SAMTOR: variants seen among roughly 807,000 people sequenced by gnomAD.
SAMTOR encodes the protein S-adenosylmethionine sensor upstream of mTORC1.
chr7:112,933,713 T>A, the SAMTOR span, among the ~76,000 whole-genome samples: 1 of 152,178 alleles, frequency 6.6e-6, no homozygotes, highest in African/African-American at 2.4e-5. Flanking sequence ...AGTGTTCCAA[T>A]GATCACCTGA....
At chr7:112,926,174 A>G in the SAMTOR span, among the ~76,000 whole-genome samples, 4 of 152,174 alleles carry the variant, frequency 2.6e-5, no homozygotes, top group Non-Finnish European at 5.9e-5. Flanking sequence ...AAGTGGGTCT[A>G]TGTAAGGGCT....
At chr7:112,914,245 T>A in the SAMTOR span, among the ~76,000 whole-genome samples, 9 of 149,428 alleles carry the variant, frequency 6.0e-5, no homozygotes, top group Admixed American at 6.0e-4. Flanking sequence ...GCTTTATTTT[T>A]GGGAATTCAT....
chr7:112,841,609 C>T, the SAMTOR span, among the ~76,000 whole-genome samples: 2 of 151,932 alleles, frequency 1.3e-5, no homozygotes, highest in Non-Finnish European at 2.9e-5. Context: ...AAAAGGAGCC[C>T]GTATAGCCAA....
chr7:112,857,433 CA>C, the SAMTOR span, among the ~76,000 whole-genome samples: 1 of 151,996 alleles, frequency 6.6e-6, no homozygotes, highest in Non-Finnish European at 1.5e-5. Flanking sequence ...AACCACAAAA[CA>C]ATGGTTTGAA....
At chr7:112,932,119 G>T in the SAMTOR span, among the ~76,000 whole-genome samples, 18 of 151,864 alleles carry the variant, frequency 1.2e-4, no homozygotes, top group African/African-American at 4.4e-4. Context: ...TAGAGACAGG[G>T]TTTCACCAAG....
chr7:112,865,689 TCATATATACATATATTCATATATA>T, the SAMTOR span, among the ~76,000 whole-genome samples: 17 of 143,890 alleles, frequency 1.2e-4, no homozygotes, highest in South Asian at 4.2e-4. Flanking sequence ...CATATATATT[TCATATATACATATATTCATATATA>T]TTTCATATAT....
chr7:112,849,049 A>T, the SAMTOR span, among the ~76,000 whole-genome samples: 1 of 148,312 alleles, frequency 6.7e-6, no homozygotes, highest in Non-Finnish European at 1.5e-5. Context: ...ACTCCATCTA[A>T]AAAAAAAAAA....
chr7:112,819,642 T>C, the SAMTOR span: 1 of 152,560 alleles, frequency 6.6e-6, no homozygotes, highest in Non-Finnish European at 1.5e-5. Flanking sequence ...GTAGGTTTTA[T>C]AAAGAGACTT....
At chr7:112,830,680 C>T in the SAMTOR span, among the ~76,000 whole-genome samples, 1 of 152,038 alleles carries the variant, frequency 6.6e-6, no homozygotes, top group Non-Finnish European at 1.5e-5. Flanking sequence ...ATAGAGAAAA[C>T]GAAAGTAGAA....
the SAMTOR span, among the ~76,000 whole-genome samples, chr7:112,858,926 G>C: frequency 2.6e-5 from 4 of 152,156 alleles, no homozygotes; most frequent in African/African-American, 9.7e-5. Flanking sequence ...ATAGTACCTA[G>C]ATATTTGATC....
At chr7:112,866,683 A>AT in the SAMTOR span, among the ~76,000 whole-genome samples, 1 of 152,210 alleles carries the variant, frequency 6.6e-6, no homozygotes, top group Admixed American at 6.5e-5. Flanking sequence ...ACCTCTTTAA[A>AT]TAGCAGCTGC....
At chr7:112,829,631 G>A in the SAMTOR span, among the ~76,000 whole-genome samples, 2 of 152,132 alleles carry the variant, frequency 1.3e-5, no homozygotes, top group African/African-American at 4.8e-5. Context: ...ACTATGGATT[G>A]CTATAAATAT....
At chr7:112,895,145 G>A in the SAMTOR span, among the ~76,000 whole-genome samples, 1 of 151,424 alleles carries the variant, frequency 6.6e-6, no homozygotes, top group Admixed American at 6.6e-5. Flanking sequence ...TTGCTGTTTT[G>A]ATTCTTTGTT....
the SAMTOR span, among the ~76,000 whole-genome samples, chr7:112,840,882 C>T: frequency 2.6e-5 from 4 of 151,850 alleles, no homozygotes; most frequent in Non-Finnish European, 5.9e-5. Flanking sequence ...AAATTCAACA[C>T]CCCTTCATGC....
the SAMTOR span, among the ~76,000 whole-genome samples, chr7:112,921,078 C>T: frequency 6.6e-6 from 1 of 152,104 alleles, no homozygotes; most frequent in African/African-American, 2.4e-5. Flanking sequence ...ACTTCCTTCA[C>T]AGAATTGGAA....
the SAMTOR span, among the ~76,000 whole-genome samples, chr7:112,906,296 A>G: frequency 8.5e-5 from 13 of 152,322 alleles, no homozygotes; most frequent in Non-Finnish European, 1.5e-4. Context: ...AAACATAGAA[A>G]AGGTATAGTA....
chr7:112,879,477 C>T, the SAMTOR span, among the ~76,000 whole-genome samples: 2 of 152,024 alleles, frequency 1.3e-5, no homozygotes, highest in Non-Finnish European at 2.9e-5. Flanking sequence ...GATAACATCG[C>T]AGTGACAGAA....
the SAMTOR span, among the ~76,000 whole-genome samples, chr7:112,828,031 T>C: frequency 1.3e-5 from 2 of 152,180 alleles, no homozygotes; most frequent in African/African-American, 4.8e-5. Context: ...ATATTTTTGA[T>C]CTGTGGTTGA....
chr7:112,893,105 T>C, the SAMTOR span, among the ~76,000 whole-genome samples: 1 of 152,170 alleles, frequency 6.6e-6, no homozygotes, highest in Non-Finnish European at 1.5e-5. Context: ...GATTTTCAAA[T>C]GGTAAATTAA....
Sources: allele counts gnomAD v4.1 joint callset (sites outside exome capture counted in the v4.1 genomes callset), GRCh38; gene constraint gnomAD v4.1.1; transcripts MANE v1.5; gene names NCBI Gene and HGNC (gene_info 2026-07-23, HGNC 2026-07-21).